CD320: variants seen among roughly 807,000 people sequenced by gnomAD.
The protein encoded by CD320 is CD320 molecule.
In CD320, 16 loss-of-function variants were observed where a neutral mutation model predicts 22.1. The ratio of observed to expected loss-of-function variants is 0.73; its 90% CI spans 0.49 to 1.10. The LOEUF is 1.10. Among genes scored for constraint, CD320 ranks in the 50% least tolerant of loss-of-function variants. CD320 has a pLI of 0.00. For missense variants in CD320, 388 were observed against 376.9 expected, an observed-to-expected ratio of 1.03 and a Z score of -0.24; for synonymous variants, 188 against 167.8, an observed-to-expected ratio of 1.12 and a Z score of -0.93.
At chr19:8,308,102 C>T (rs890337953) in intron 1 of CD320, 47 bp downstream of exon 1, 4 of 1,428,828 alleles carry the variant, frequency 2.8e-6, no homozygotes, top group East Asian at 5.4e-5. Flanking sequence ...GGCGGCGGGG[C>T]GAAGCCTCGC....
chr19:8,304,980 A>G (rs1568557841), intron 2 of CD320, 51 bp downstream of exon 2: 2 of 1,593,122 alleles, frequency 1.3e-6, no homozygotes, highest in East Asian at 4.5e-5. Flanking sequence ...CTGACAAACC[A>G]CCCTCAGGCC....
Position 8,302,387 on chromosome 19 carries a change from T to C in CD320, c.*76A>G, listed in dbSNP as rs1970020478. 6.3e-7 allele frequency: 1 copy of C among 1,575,636 alleles called. No homozygotes were observed. On this transcript the variant is annotated 3_prime_UTR_variant, in exon 5 of 5. Transcript: ENST00000301458. ...GTCTCTGAGGGCTGGTGTGCCCGGGTACCCATCCGCATCACTGCTCTCCTC... is the reference window on the plus strand; with the variant it reads ...GTCTCTGAGGGCTGGTGTGCCCGGGCACCCATCCGCATCACTGCTCTCCTC...
At chr19:8,304,185 AGCTGAGCCC>A in intron 2 of CD320, 97 bp from the exon 3 acceptor site, 3 of 668,460 alleles carry the variant, frequency 4.5e-6, no homozygotes, top group Admixed American at 5.2e-5. Flanking sequence ...CTCTAAGAAC[AGCTGAGCCC>A]AAAAAAATGC....
rs1296411964 is a variant in CD320, at chr19:8,302,205, T to C, written c.*258A>G. 1.5e-6 allele frequency: 1 copy of C among 664,404 alleles called. No homozygotes were observed. Among genetic ancestry groups the C allele is most frequent in the East Asian group, 2.9e-5 (1 of 34,190 alleles). 41.2% of individuals were successfully genotyped at this position (664,404 alleles called of 1,614,324 possible). On this transcript the variant is annotated 3_prime_UTR_variant, in exon 5 of 5. Coordinates refer to ENST00000301458, the MANE Select transcript of CD320 (RefSeq NM_016579.4). ...TTAAGCACAGGGCCGTTCTACCCCC[T>C]GGGAGCTGCCTGGGGCCAGCCCCTC...
rs762418586 is a variant in CD320 at position 8,303,917 on chromosome 19, G to A, written c.440C>T (p.Pro147Leu). ...GTGGCCGTCGCAGCGCCACGTGAGTGGAATGCAGTCATCGCTCAGCGTGCA... is the reference window on the plus strand; with the variant it reads ...GTGGCCGTCGCAGCGCCACGTGAGTAGAATGCAGTCATCGCTCAGCGTGCA... ...LRCTLSDDCIPLTWRCDGHPD... is the reference protein window; with the variant it reads ...LRCTLSDDCILLTWRCDGHPD... Residue 147 changes from proline to leucine, a missense_variant, in exon 3 of 5, where the codon CCA becomes CTA. Pro to Leu is a moderately conservative substitution (Grantham distance 98, BLOSUM62 -3). Transcript: ENST00000301458. 1 of 1,605,608 alleles carries A rather than the reference G, an allele frequency of 6.2e-7. No homozygotes were observed. Among genetic ancestry groups the A allele is most frequent in the African/African-American group, 1.3e-5 (1 of 74,892 alleles).
chr19:8,305,362 T>A lies in CD320; in HGVS notation c.143-206A>T, dbSNP rs2145378818. On this transcript the variant is annotated intron_variant, in intron 1 of 4. Coordinates refer to ENST00000301458, the MANE Select transcript of CD320 (RefSeq NM_016579.4). Reference sequence around the variant, plus strand: ...GGGCTCAAGAGCCCCACTGGGCAGGTGCTACTGCACTCCCCAGGTTACAGA... The same window carrying A: ...GGGCTCAAGAGCCCCACTGGGCAGGAGCTACTGCACTCCCCAGGTTACAGA... 15 of 558,282 alleles carry A rather than the reference T, an allele frequency of 2.7e-5. 1 individual carries two copies. The South Asian group carries it at 2.8e-4, about 10-fold the overall frequency. The allele number at this position is 558,282 out of a possible 1,614,324, so 34.6% of individuals were successfully genotyped here. A position where few individuals can be genotyped will look rare whatever the true frequency, so the allele number is the denominator to read the frequency against.
At position 8,305,153 on chromosome 19, in the gene CD320, G is replaced by A. The variant is rs1460840482; in HGVS notation, c.146C>T (p.Pro49Leu). 1 of 1,600,728 alleles carries A rather than the reference G, an allele frequency of 6.2e-7. No homozygotes were observed. Among genetic ancestry groups the A allele is most frequent in the South Asian group, 1.1e-5 (1 of 89,480 alleles). The change falls in exon 2 of 5, where the codon CCC becomes CTC. Residue 49 changes from proline (P) to leucine (L), a missense_variant. Transcript: ENST00000301458. The part of the protein sequence containing the change: ...STPTSAQAAG[P>L]SSGSCPPTKF... Reference sequence around the variant, plus strand: ...GGTGGGTGGGCACGAGCCTGAGCTGGGGCCTGCGAGATGGATGCAAATGAA... The same window carrying A: ...GGTGGGTGGGCACGAGCCTGAGCTGAGGCCTGCGAGATGGATGCAAATGAA...
chr19:8,302,325 C>T lies in CD320; in HGVS notation c.*138G>A. ...ATCTCCAGGGCCACTTCTGCAGGAG[C>T]TCGGGTTCGAGGTTCCACGTGGCCA... On this transcript the variant is annotated 3_prime_UTR_variant, in exon 5 of 5. Transcript: ENST00000301458. 1 of 1,057,910 alleles carries T rather than the reference C, an allele frequency of 9.5e-7. No homozygotes were observed. The highest frequency in any genetic ancestry group is 1.5e-6 in the Non-Finnish European group (1 of 686,826). 65.5% of individuals were successfully genotyped at this position (1,057,910 alleles called of 1,614,324 possible). A position where few individuals can be genotyped will look rare whatever the true frequency, so the allele number is the denominator to read the frequency against.
At position 8,305,135 on chromosome 19, in the gene CD320, G is replaced by A; in HGVS notation, c.164C>T (p.Pro55Leu). 1 of 1,610,686 alleles carries A rather than the reference G, an allele frequency of 6.2e-7. No homozygotes were observed. Among genetic ancestry groups the A allele is most frequent in the East Asian group, 2.2e-5 (1 of 44,768 alleles). The change falls in exon 2 of 5, where the codon CCA becomes CTA. Residue 55 changes from proline to leucine, a missense_variant. Transcript: ENST00000301458. ...QAAGPSSGSC[P>L]PTKFQCRTSG... ...GGTGCGGCACTGGAACTTGGTGGGT[G>A]GGCACGAGCCTGAGCTGGGGCCTGC...
Position 8,302,379 on chromosome 19 carries a change from T to A in CD320, c.*84A>T. ...GAGCTCAGGTCTCTGAGGGCTGGTG[T>A]GCCCGGGTACCCATCCGCATCACTG... On this transcript the variant is annotated 3_prime_UTR_variant, in exon 5 of 5. Transcript: ENST00000301458. 2 of 1,543,184 alleles carry A rather than the reference T, an allele frequency of 1.3e-6. No individual in the cohort carries two copies. The highest frequency in any genetic ancestry group is 1.8e-6 in the Non-Finnish European group (2 of 1,124,662).
Position 8,304,035 on chromosome 19 carries a change from A to C in CD320, c.322T>G (p.Cys108Gly). The C allele has an allele frequency of 6.4e-7, 1 of 1,560,322 alleles. No individual in the cohort carries two copies. Among genetic ancestry groups the C allele is most frequent in the Non-Finnish European group, 8.7e-7 (1 of 1,151,422 alleles). ...GQCPPPPGLP[C>G]PCTGVSDCSG... ...CAGTCACTGACGCCGGTGCAGGGGC[A>C]GGGGAGGCCAGGGGGCGGTGGGCAT... is the stretch of plus-strand genomic sequence containing the variant. The change falls in exon 3 of 5, where the codon TGC (cysteine) becomes GGC (glycine). Residue 108 changes from cysteine (C) to glycine (G), a missense_variant. Transcript: ENST00000301458.
intron 1 of CD320, among the ~76,000 whole-genome samples, chr19:8,307,597 G>A (rs1486321610): frequency 1.3e-5 from 2 of 152,116 alleles, no homozygotes; most frequent in African/African-American, 4.8e-5. Flanking sequence ...CACGTCCACG[G>A]GGGTATATTC....
Position 8,304,840 on chromosome 19 carries a change from T to G in CD320, c.268+191A>C, listed in dbSNP as rs142518940. On this transcript the variant is annotated intron_variant, in intron 2 of 4. Coordinates refer to ENST00000301458, the MANE Select transcript of CD320 (RefSeq NM_016579.4). ...CCCTAGCCTCCCAAAGTGCTGGGAT[T>G]GCAGGCGTGAGCCACTGCGCCCAGC... 1,779 of 593,762 alleles carry G rather than the reference T, an allele frequency of 3.0e-3. 52 individuals are homozygous for G. The East Asian group carries it at 0.05, about 17-fold the overall frequency. The allele number at this position is 593,762 out of a possible 1,614,324, so 36.8% of individuals were successfully genotyped here. A position where few individuals can be genotyped will look rare whatever the true frequency, so the allele number is the denominator to read the frequency against.
chr19:8,308,242 G>A lies in CD320; in HGVS notation c.49C>T (p.Leu17=), dbSNP rs1408079449. Residue 17 remains leucine, a synonymous_variant, in exon 1 of 5, where the codon CTG becomes TTG. Transcript: ENST00000301458. ...AGCAGCAGCAGCAGCGCCAGGCCCAGAGCCCCTGTTCGCCACGCTCCAACC... is the reference window on the plus strand; with the variant it reads ...AGCAGCAGCAGCAGCGCCAGGCCCAAAGCCCCTGTTCGCCACGCTCCAACC... ...AQVGAWRTGA[L]GLALLLLLGL... 2 of 1,583,156 alleles carry A rather than the reference G, an allele frequency of 1.3e-6. No individual in the cohort carries two copies. The highest frequency in any genetic ancestry group is 1.7e-5 in the Admixed American group (1 of 58,108).
chr19:8,308,150 T>C lies in CD320; in HGVS notation c.141A>G (p.Ala47=), dbSNP rs1599625837. Residue 47 remains alanine, a splice_region_variant and synonymous_variant, in exon 1 of 5, where the codon GCA becomes GCG. Coordinates refer to ENST00000301458, the MANE Select transcript of CD320 (RefSeq NM_016579.4). ...CCCGCGCTGCGGGGCGTCACTCACCTGCGGCCTGGGCAGAGGTCGGGGTGG... is the reference window on the plus strand; with the variant it reads ...CCCGCGCTGCGGGGCGTCACTCACCCGCGGCCTGGGCAGAGGTCGGGGTGG... ...PLSTPTSAQA[A]GPSSGSCPPT... 3 of 1,529,724 alleles carry C rather than the reference T, an allele frequency of 2.0e-6. No individual in the cohort carries two copies. Among genetic ancestry groups the C allele is most frequent in the Non-Finnish European group, 2.6e-6 (3 of 1,147,168 alleles). The allele number at this position is 1,529,724 out of a possible 1,614,324, so 94.8% of individuals were successfully genotyped here.
chr19:8,308,138 G>A lies in CD320; in HGVS notation c.142+11C>T, dbSNP rs1319843381. 2.0e-6 allele frequency: 3 copies of A among 1,500,126 alleles called. No homozygotes were observed. Among genetic ancestry groups the A allele is most frequent in the Non-Finnish European group, 2.6e-6 (3 of 1,133,902 alleles). 92.9% of individuals were successfully genotyped at this position (1,500,126 alleles called of 1,614,324 possible). A position where few individuals can be genotyped will look rare whatever the true frequency, so the allele number is the denominator to read the frequency against. The stretch of plus-strand genomic sequence containing the variant: ...GAGGGGTGGGAGCCCGCGCTGCGGG[G>A]CGTCACTCACCTGCGGCCTGGGCAG... On this transcript the variant is annotated intron_variant, in intron 1 of 4. Coordinates refer to ENST00000301458, the MANE Select transcript of CD320 (RefSeq NM_016579.4).
In CD320 at chr19:8,305,326, T is replaced by C; in HGVS notation, c.143-170A>G. ...CCTAGTACGAGTGGGGTTCAGAGTGTAGCAGTTCCTGGGCTCAAGAGCCCC... is the reference window on the plus strand; with the variant it reads ...CCTAGTACGAGTGGGGTTCAGAGTGCAGCAGTTCCTGGGCTCAAGAGCCCC... On this transcript the variant is annotated intron_variant, in intron 1 of 4. Coordinates refer to ENST00000301458, the MANE Select transcript of CD320 (RefSeq NM_016579.4). The C allele has an allele frequency of 1.8e-5, 13 of 740,698 alleles. No homozygotes were observed. In the South Asian group the frequency reaches 2.0e-4, roughly 12 times the overall value. 45.9% of individuals were successfully genotyped at this position (740,698 alleles called of 1,614,324 possible). A position where few individuals can be genotyped will look rare whatever the true frequency, so the allele number is the denominator to read the frequency against.
chr19:8,303,749 G>C lies in CD320; in HGVS notation c.502+106C>G, dbSNP rs1599621690. On this transcript the variant is annotated intron_variant, in intron 3 of 4. Transcript: ENST00000301458. The stretch of plus-strand genomic sequence containing the variant: ...GTCTTGATTCCCCCACAGGGATGCA[G>C]GCACGGGCAAAGGCATGTGTCCACG... 2.1e-5 allele frequency: 16 copies of C among 768,792 alleles called. No individual in the cohort carries two copies. In the East Asian group the frequency reaches 4.0e-4, roughly 19 times the overall value. 47.6% of individuals were successfully genotyped at this position (768,792 alleles called of 1,614,324 possible).
In CD320 at chr19:8,302,883, C is replaced by T; in HGVS notation, c.600G>A (p.Gly200=). 3.1e-6 allele frequency: 5 copies of T among 1,613,976 alleles called. No homozygotes were observed. Among genetic ancestry groups the T allele is most frequent in the Non-Finnish European group, 4.2e-6 (5 of 1,179,924 alleles). The change falls in exon 4 of 5, where the codon GGG becomes GGA. Residue 200 remains glycine, a synonymous_variant. Coordinates refer to ENST00000301458, the MANE Select transcript of CD320 (RefSeq NM_016579.4). ...GGACACTCTCCAGGGTCACAGGGGG[C>T]CCCATGGTTGTGGCATTCCTGAGAG... The part of the protein sequence containing the change: ...VTSLRNATTM[G]PPVTLESVPS...
Sources: gnomAD v4.1 joint callset for allele counts (sites outside exome capture counted in the v4.1 genomes callset) on GRCh38, gnomAD v4.1.1 for gene constraint, MANE v1.5 for transcripts, NCBI Gene and HGNC (gene_info 2026-07-23, HGNC 2026-07-21) for gene names.